The following RILPL1 variants were observed in gnomAD, a reference collection of about 807,000 sequenced individuals.
RILPL1 encodes RILP-like protein 1.
RILPL1 carries 33 observed loss-of-function variants against 50.3 expected under a neutral mutation model. The observed-to-expected ratio is 0.66, with a 90% CI of 0.50 to 0.88. The LOEUF (loss-of-function observed/expected upper bound fraction) is 0.88, where lower values mean the gene tolerates loss of function less well. Among genes scored for constraint, RILPL1 ranks in the 40% least tolerant of loss-of-function variants. The pLI is 0.00. For synonymous variants in RILPL1, 205 were observed against 228.6 expected (o/e 0.90, Z 0.93); for missense variants, 418 against 542.5 (o/e 0.77, Z 2.28).
At chr12:123,495,625 T>G (rs1404500102) in intron 4 of RILPL1, among the ~76,000 whole-genome samples, 2 of 150,730 alleles carry the variant, frequency 1.3e-5, no homozygotes, top group Non-Finnish European at 1.5e-5. Flanking sequence ...CCGCCTGCCT[T>G]GGCCTCCCAA....
intron 4 of RILPL1, among the ~76,000 whole-genome samples, chr12:123,493,532 T>C (rs1249402586): frequency 6.6e-6 from 1 of 152,208 alleles, no homozygotes; most frequent in Non-Finnish European, 1.5e-5. Flanking sequence ...TTCCACCTTA[T>C]GAGAAACACC....
In RILPL1 at chr12:123,491,342, G is replaced by T. The variant is rs955170593; in HGVS notation, c.802-5537C>A. On this transcript the variant is annotated intron_variant, in intron 4 of 6. Coordinates refer to ENST00000376874, the MANE Select transcript of RILPL1 (RefSeq NM_178314.5). The surrounding 1 kb of genome is among the most constrained non-coding windows in gnomAD (Gnocchi z 4.0). ...TGGAGGTACTCTGGGCACAGCTTCA[G>T]AGCGATACCCTGAGGCCTCAGCTGC... Among the ~76,000 whole-genome samples the T allele has an allele frequency of 6.6e-6, 1 of 152,150 alleles. No individual in the cohort carries two copies. The highest frequency in any genetic ancestry group is 1.5e-5 in the Non-Finnish European group (1 of 68,012).
rs899327379 is a variant in RILPL1, at chr12:123,485,151, T to G, written c.974+482A>C. 2.2e-6 allele frequency: 1 copy of G among 456,208 alleles called. No homozygotes were observed. Among genetic ancestry groups the G allele is most frequent in the African/African-American group, 2.0e-5 (1 of 50,056 alleles). The allele number at this position is 456,208 out of a possible 1,614,324, so 28.3% of individuals were successfully genotyped here. A position where few individuals can be genotyped will look rare whatever the true frequency, so the allele number is the denominator to read the frequency against. ...ACTGTGTGCCAAGCTCCATTCTAAG[T>G]GCTGGGAACTTAGCCATGGACAAGA... On this transcript the variant is annotated intron_variant, in intron 5 of 6. Transcript: ENST00000376874. The surrounding 1 kb of genome is among the most constrained non-coding windows in gnomAD (Gnocchi z 4.0).
In RILPL1 at chr12:123,491,823, G is replaced by A. The variant is rs9697369; in HGVS notation, c.802-6018C>T. On this transcript the variant is annotated intron_variant, in intron 4 of 6. Transcript: ENST00000376874. The surrounding 1 kb of genome is among the most constrained non-coding windows in gnomAD (Gnocchi z 4.0). ...AGTTCGAGATCAGCCTGGGCAACAT[G>A]GTAAAACCCTGTCTCTACTAAAAAT... Among the ~76,000 whole-genome samples, 553 of 152,160 alleles carry A rather than the reference G, an allele frequency of 3.6e-3. 2 individuals carry two copies. Among genetic ancestry groups the A allele is most frequent in the African/African-American group, 0.012 (500 of 41,518 alleles).
chr12:123,506,770 T>C (rs1417374848), intron 2 of RILPL1, among the ~76,000 whole-genome samples: 3 of 152,222 alleles, frequency 2.0e-5, no homozygotes, highest in Non-Finnish European at 4.4e-5. Flanking sequence ...ATGCTGTTCA[T>C]GTAAAGTACA....
At chr12:123,475,875 C>A (rs1180533426) in intron 6 of RILPL1, 1 of 609,566 alleles carries the variant, frequency 1.6e-6, no homozygotes, top group Non-Finnish European at 2.9e-6. Context: ...AATTGTGTCA[C>A]CTGCCTCTAA....
At position 123,498,579 on chromosome 12, in the gene RILPL1, C is replaced by A; in HGVS notation, c.766G>T (p.Gly256Trp). The A allele has an allele frequency of 1.9e-6, 3 of 1,613,656 alleles. No homozygotes were observed. Among genetic ancestry groups the A allele is most frequent in the Non-Finnish European group, 2.5e-6 (3 of 1,179,876 alleles). ...TCCTCCCCATTCTGGCTGTGCTCCC[C>A]CTGCAGCCTCTCTCGCAACTTCCCC... ...ELGKLRERLQ[G>W]EHSQNGEEEP... is the part of the protein sequence containing the mutation. Residue 256 changes from glycine (G) to tryptophan (W), a missense_variant, in exon 4 of 7, where the codon GGG becomes TGG. Coordinates refer to ENST00000376874, the MANE Select transcript of RILPL1 (RefSeq NM_178314.5). The surrounding 1 kb of genome is among the most constrained non-coding windows in gnomAD (Gnocchi z 4.3).
intron 2 of RILPL1, among the ~76,000 whole-genome samples, chr12:123,510,589 G>A (rs547673362): frequency 9.4e-6 from 1 of 106,938 alleles, no homozygotes; most frequent in South Asian, 3.5e-4. Flanking sequence ...TGAGGTCTGT[G>A]TGTGTGAATG....
At chr12:123,503,818 G>A (rs1336609171) in intron 2 of RILPL1, among the ~76,000 whole-genome samples, 3 of 151,740 alleles carry the variant, frequency 2.0e-5, no homozygotes, top group Non-Finnish European at 4.4e-5. Context: ...TGGCTAACAC[G>A]GTGAAACCCT....
intron 2 of RILPL1, among the ~76,000 whole-genome samples, chr12:123,510,553 T>C (rs1285164810): frequency 1.7e-5 from 2 of 117,686 alleles, no homozygotes; most frequent in East Asian, 4.6e-4. Context: ...GTGGTGTCAA[T>C]GTGAGGTCTG....
At chr12:123,487,415 G>A (rs914588678) in intron 4 of RILPL1, among the ~76,000 whole-genome samples, 3 of 151,904 alleles carry the variant, frequency 2.0e-5, no homozygotes, top group Non-Finnish European at 4.4e-5. Flanking sequence ...CGATTCTTCC[G>A]CCTCAGCCTC....
At chr12:123,508,719 TA>T (rs1883909916) in intron 2 of RILPL1, among the ~76,000 whole-genome samples, 2 of 152,044 alleles carry the variant, frequency 1.3e-5, no homozygotes. Context: ...TTTAAAATGT[TA>T]AGGCCGGGCA....
intron 4 of RILPL1, among the ~76,000 whole-genome samples, chr12:123,492,033 T>C (rs1476521648): frequency 6.7e-6 from 1 of 150,356 alleles, no homozygotes; most frequent in Non-Finnish European, 1.5e-5. Flanking sequence ...TAAAATAAAA[T>C]AAAATAGAGG....
chr12:123,512,137 T>C (rs1884340544), intron 2 of RILPL1, among the ~76,000 whole-genome samples: 1 of 139,996 alleles, frequency 7.1e-6, no homozygotes, highest in South Asian at 2.4e-4. Flanking sequence ...GTGTGGTGTG[T>C]GTGAGGTCTG....
intron 2 of RILPL1, among the ~76,000 whole-genome samples, chr12:123,502,676 C>A (rs1249676196): frequency 2.0e-5 from 3 of 152,236 alleles, no homozygotes; most frequent in Non-Finnish European, 4.4e-5. Context: ...ACCGCAGGTG[C>A]CCATTAAGTT....
chr12:123,500,282 T>C (rs1468176076), intron 2 of RILPL1, among the ~76,000 whole-genome samples: 1 of 140,392 alleles, frequency 7.1e-6, no homozygotes, highest in East Asian at 2.1e-4. Flanking sequence ...CCCTTTCTTT[T>C]TTTTTTTTTT....
At chr12:123,525,073 A>G (rs1177270573) in intron 1 of RILPL1, among the ~76,000 whole-genome samples, 4 of 152,158 alleles carry the variant, frequency 2.6e-5, no homozygotes, top group Non-Finnish European at 5.9e-5. Context: ...CGGAGTTTGC[A>G]GTGAGTCAAG....
chr12:123,516,230 T>G (rs1348933135), intron 2 of RILPL1, among the ~76,000 whole-genome samples: 1 of 152,152 alleles, frequency 6.6e-6, no homozygotes, highest in Non-Finnish European at 1.5e-5. Flanking sequence ...ACATTTCTCA[T>G]GAAGTTGGTC....
chr12:123,512,834 G>C (rs1437072518), intron 2 of RILPL1, among the ~76,000 whole-genome samples: 2 of 148,392 alleles, frequency 1.3e-5, no homozygotes, highest in African/African-American at 5.0e-5. Flanking sequence ...TGTGAGGTCT[G>C]TGTGTGCTGT....
Sources: allele counts gnomAD v4.1 joint callset (sites outside exome capture counted in the v4.1 genomes callset), GRCh38; gene constraint gnomAD v4.1.1; non-coding constraint Gnocchi (gnomAD v3.1); transcripts MANE v1.5; gene names NCBI Gene and HGNC (gene_info 2026-07-23, HGNC 2026-07-21).